PCDHGA2: variants seen among roughly 807,000 people sequenced by gnomAD.
The protein encoded by PCDHGA2 is protocadherin gamma subfamily A, 2.
In PCDHGA2, 40 loss-of-function variants were observed where a neutral mutation model predicts 59.2. That is an observed-to-expected ratio of 0.68 (90% CI 0.52 to 0.88). The LOEUF (loss-of-function observed/expected upper bound fraction) is 0.88, where lower values mean the gene tolerates loss of function less well. Among genes scored for constraint, PCDHGA2 ranks in the 40% least tolerant of loss-of-function variants. PCDHGA2 has a pLI of 0.00. For synonymous variants in PCDHGA2, 560 were observed against 526.0 expected (o/e 1.06, Z -0.89); for missense variants, 1,226 against 1,204.0 (o/e 1.02, Z -0.27).
At chr5:141,495,960 C>G (rs1380397345) in intron 2 of PCDHGA2, among the ~76,000 whole-genome samples, 2 of 151,998 alleles carry the variant, frequency 1.3e-5, no homozygotes, top group East Asian at 3.9e-4. Context: ...CTTTTTCTGC[C>G]TCTTTCTCTG....
At position 141,338,901 on chromosome 5, in the gene PCDHGA2, C is replaced by T. The variant is rs948229702; in HGVS notation, c.-71C>T. 1.4e-5 allele frequency: 21 copies of T among 1,491,032 alleles called. No homozygotes were observed. The African/African-American group carries it at 2.8e-4, about 20-fold the overall frequency. 92.4% of individuals were successfully genotyped at this position (1,491,032 alleles called of 1,614,324 possible). A position where few individuals can be genotyped will look rare whatever the true frequency, so the allele number is the denominator to read the frequency against. The stretch of plus-strand genomic sequence containing the variant: ...CCGTGAATGCTGGTTATCTCACACC[C>T]TGAGGAATAAAGATTGGAATCCGCA... On this transcript the variant is annotated 5_prime_UTR_variant, in exon 1 of 4. Coordinates refer to ENST00000394576, the MANE Select transcript of PCDHGA2 (RefSeq NM_018915.4).
chr5:141,410,629 C>A (rs1393614526), intron 1 of PCDHGA2: 1 of 1,601,482 alleles, frequency 6.2e-7, no homozygotes, highest in East Asian at 2.2e-5. Context: ...CGGTGAGTTT[C>A]TCTTTTTTGT....
At chr5:141,494,195 C>T in intron 1 of PCDHGA2, among the ~76,000 whole-genome samples, 1 of 152,188 alleles carries the variant, frequency 6.6e-6, no homozygotes, top group Non-Finnish European at 1.5e-5. Flanking sequence ...GACTTGGATG[C>T]CCCGCAAAGG....
intron 1 of PCDHGA2, chr5:141,394,283 T>A: frequency 6.2e-7 from 1 of 1,613,956 alleles, no homozygotes; most frequent in Non-Finnish European, 8.5e-7. Flanking sequence ...TCACTTACTC[T>A]GTGACCGAGG....
intron 1 of PCDHGA2, chr5:141,441,894 G>T: frequency 2.9e-6 from 1 of 347,862 alleles, no homozygotes; most frequent in Non-Finnish European, 5.6e-6. Context: ...CCAAGGTGGT[G>T]GCTGTAGACG....
Position 141,476,242 on chromosome 5 carries a change from G to T in PCDHGA2, c.2425-18565G>T. ...ACTATGAGATCCCGGAGGAAAGAGA[G>T]AAGGGTTTCGCTGTGGGCAACGTGG... is the stretch of plus-strand genomic sequence containing the variant. On this transcript the variant is annotated intron_variant, in intron 1 of 3. Coordinates refer to ENST00000394576, the MANE Select transcript of PCDHGA2 (RefSeq NM_018915.4). The surrounding 1 kb of genome is among the most constrained non-coding windows in gnomAD (Gnocchi z 7.6). 6.2e-7 allele frequency: 1 copy of T among 1,614,100 alleles called. No individual in the cohort carries two copies.
chr5:141,433,236 C>G, intron 1 of PCDHGA2: 2 of 1,501,160 alleles, frequency 1.3e-6, no homozygotes, highest in South Asian at 1.3e-5. Flanking sequence ...CTCTGTCTCC[C>G]AAGCTGGAAT....
chr5:141,356,783 T>C, intron 1 of PCDHGA2: 1 of 1,613,990 alleles, frequency 6.2e-7, no homozygotes, highest in Non-Finnish European at 8.5e-7. Context: ...TTTAGAGACC[T>C]GCAGCTGCTG....
intron 1 of PCDHGA2, chr5:141,430,966 A>G: frequency 1.2e-6 from 2 of 1,612,916 alleles, no homozygotes. Context: ...TCATCCCCAG[A>G]GGTAGGACGC....
chr5:141,355,945 G>C, intron 1 of PCDHGA2: 4 of 1,613,848 alleles, frequency 2.5e-6, no homozygotes, highest in Non-Finnish European at 3.4e-6. Context: ...CGAGTACCAC[G>C]TAAGTGTTCG....
intron 1 of PCDHGA2, chr5:141,370,647 C>T: frequency 6.2e-7 from 1 of 1,613,884 alleles, no homozygotes; most frequent in African/African-American, 1.3e-5. Flanking sequence ...TGGGAACTTA[C>T]TTGTGAGCGA....
rs1210429084 is a variant in PCDHGA2 at position 141,487,045 on chromosome 5, T to C, written c.2425-7762T>C. 2 of 1,614,088 alleles carry C rather than the reference T, an allele frequency of 1.2e-6. No individual in the cohort carries two copies. Among genetic ancestry groups the C allele is most frequent in the Non-Finnish European group, 1.7e-6 (2 of 1,180,036 alleles). On this transcript the variant is annotated intron_variant, in intron 1 of 3. Coordinates refer to ENST00000394576, the MANE Select transcript of PCDHGA2 (RefSeq NM_018915.4). This position sits in a 1 kb window ranked among gnomAD's most constrained non-coding sequence, Gnocchi z 5.0. ...CCAGCCTGTTTGCAGTCTCTCGATA[T>C]GCTGGGGAGGTGCGGACGGCTGTTC...
At chr5:141,344,017 G>A (rs1207500207) in intron 1 of PCDHGA2, 1 of 1,517,128 alleles carries the variant, frequency 6.6e-7, no homozygotes, top group Admixed American at 2.3e-5. Context: ...CAGAGAAAGC[G>A]ATTCACCGAA....
At chr5:141,357,719 C>T (rs935552148) in intron 1 of PCDHGA2, 5 of 1,429,472 alleles carry the variant, frequency 3.5e-6, no homozygotes, top group Admixed American at 5.2e-5. Context: ...AATAAAGTTG[C>T]CTCTTTTAAT....
intron 1 of PCDHGA2, chr5:141,375,025 T>C (rs1771054334): frequency 3.7e-6 from 6 of 1,614,042 alleles, no homozygotes; most frequent in Non-Finnish European, 5.1e-6. Flanking sequence ...ACTCGAGTTT[T>C]TATGAGCTGG....
At position 141,340,666 on chromosome 5, in the gene PCDHGA2, T is replaced by C. The variant is rs145370073; in HGVS notation, c.1695T>C (p.Pro565=). The C allele has an allele frequency of 7.7e-5, 125 of 1,614,188 alleles. No individual in the cohort carries two copies. In the African/African-American group the frequency reaches 1.0e-3, roughly 13 times the overall value. ...ACAACGCGCCCGAGATCCTGTACCC[T>C]GCCTTCCCCACAGACGGTTCCACTG... The part of the protein sequence containing the change: ...QNDNAPEILY[P]AFPTDGSTGV... The change falls in exon 1 of 4, where the codon CCT becomes CCC. Residue 565 remains proline, a synonymous_variant. Coordinates refer to ENST00000394576, the MANE Select transcript of PCDHGA2 (RefSeq NM_018915.4).
intron 1 of PCDHGA2, chr5:141,344,872 T>C (rs1757485669): frequency 6.2e-7 from 1 of 1,613,958 alleles, no homozygotes; most frequent in East Asian, 2.2e-5. Flanking sequence ...GTGTCTTATA[T>C]TCTAGATAAA....
At chr5:141,354,496 G>A (rs1018182133) in intron 1 of PCDHGA2, among the ~76,000 whole-genome samples, 1 of 152,226 alleles carries the variant, frequency 6.6e-6, no homozygotes, top group African/African-American at 2.4e-5. Flanking sequence ...TGAACAGTAG[G>A]TGAGTTTTTT....
At chr5:141,505,576 T>C in intron 3 of PCDHGA2, 95 bp downstream of exon 3, 5 of 1,590,334 alleles carry the variant, frequency 3.1e-6, no homozygotes, top group Admixed American at 1.7e-5. Context: ...ATGTCAAACC[T>C]GTGTAGTTTC....
Sources: allele counts gnomAD v4.1 joint callset (sites outside exome capture counted in the v4.1 genomes callset), GRCh38; gene constraint gnomAD v4.1.1; non-coding constraint Gnocchi (gnomAD v3.1); transcripts MANE v1.5; gene names NCBI Gene and HGNC (gene_info 2026-07-23, HGNC 2026-07-21).